The following KIAA1217 variants were observed in gnomAD, a reference collection of about 807,000 sequenced individuals.
KIAA1217 encodes sickle tail protein homolog.
In KIAA1217, 88 loss-of-function variants were observed where a neutral mutation model predicts 163.9. That is an observed-to-expected ratio of 0.54 (90% CI 0.45 to 0.64). KIAA1217 has a LOEUF of 0.64. Among genes scored for constraint, KIAA1217 ranks in the 30% least tolerant of loss-of-function variants. The pLI is 0.00. For synonymous variants in KIAA1217, 903 were observed against 923.1 expected (o/e 0.98, Z 0.39); for missense variants, 2,372 against 2,475.0 (o/e 0.96, Z 0.88).
intron 5 of KIAA1217, among the ~76,000 whole-genome samples, chr10:24,457,985 A>G (rs1438486672): frequency 6.6e-6 from 1 of 152,232 alleles, no homozygotes; most frequent in Admixed American, 6.5e-5. Context: ...TTGTTGGGAC[A>G]CAGGGAAGCA....
intron 2 of KIAA1217, among the ~76,000 whole-genome samples, chr10:24,119,098 A>T (rs1282612621): frequency 6.6e-6 from 1 of 152,208 alleles, no homozygotes; most frequent in Non-Finnish European, 1.5e-5. Context: ...TGCTGTGAAC[A>T]CTGTTCAGTA....
intron 2 of KIAA1217, among the ~76,000 whole-genome samples, chr10:24,087,838 C>T (rs555946740): frequency 1.1e-4 from 16 of 152,186 alleles, no homozygotes; most frequent in Admixed American, 2.0e-4. Flanking sequence ...TTAGGGAATG[C>T]GTACACTTCC....
chr10:23,981,979 G>A lies in KIAA1217; in HGVS notation c.-320-25246G>A, dbSNP rs540909309. On this transcript the variant is annotated intron_variant, in intron 1 of 18. Coordinates refer to the KIAA1217 transcript ENST00000376462. ...GATGGTACGTTAAACACTGCCTAGCGCTGCAGAGTTGAGAGGTAGAGAGCA... is the reference window on the plus strand; with the variant it reads ...GATGGTACGTTAAACACTGCCTAGCACTGCAGAGTTGAGAGGTAGAGAGCA... Among the ~76,000 whole-genome samples, 71 of 151,924 alleles carry A rather than the reference G, an allele frequency of 4.7e-4. 1 individual carries two copies. The highest frequency in any genetic ancestry group is 5.3e-4 in the Admixed American group (8 of 15,238).
intron 2 of KIAA1217, among the ~76,000 whole-genome samples, chr10:24,360,368 A>G (rs2049803216): frequency 6.6e-6 from 1 of 151,902 alleles, no homozygotes; most frequent in South Asian, 2.1e-4. Context: ...CTATTTCCCA[A>G]CGTTTGGTCT....
intron 1 of KIAA1217, among the ~76,000 whole-genome samples, chr10:23,866,820 G>T (rs1324573883): frequency 2.0e-5 from 3 of 151,844 alleles, no homozygotes; most frequent in African/African-American, 7.3e-5. Flanking sequence ...TGCGATCTCA[G>T]GACAATTTTC....
At position 24,390,495 on chromosome 10, in the gene KIAA1217, A is replaced by G. The variant is rs1386884107; in HGVS notation, c.553+9428A>G. Among the ~76,000 whole-genome samples the G allele has an allele frequency of 5.5e-5, 8 of 145,314 alleles. No individual in the cohort carries two copies. In the South Asian group the frequency reaches 9.6e-4, roughly 17 times the overall value. ...AGGGAGGGAAGGAAGGAAGGAAGGAAGGAAGGAAGGAAGGAAGGAAGGAAG... is the reference window on the plus strand; with the variant it reads ...AGGGAGGGAAGGAAGGAAGGAAGGAGGGAAGGAAGGAAGGAAGGAAGGAAG... On this transcript the variant is annotated intron_variant, in intron 3 of 20. Coordinates refer to ENST00000376454, the MANE Select transcript of KIAA1217 (RefSeq NM_019590.5).
intron 2 of KIAA1217, among the ~76,000 whole-genome samples, chr10:24,191,787 T>C (rs2066732025): frequency 6.6e-6 from 1 of 152,206 alleles, no homozygotes; most frequent in African/African-American, 2.4e-5. Flanking sequence ...AGAGTCTCGC[T>C]CTGTTGCCCA....
At chr10:23,705,405 T>C (rs969746927) in intron 1 of KIAA1217, among the ~76,000 whole-genome samples, 1 of 152,176 alleles carries the variant, frequency 6.6e-6, no homozygotes, top group African/African-American at 2.4e-5. Context: ...TTGTCTACAT[T>C]TTATTTTAAG....
At chr10:24,281,919 T>A (rs999786083) in intron 2 of KIAA1217, among the ~76,000 whole-genome samples, 1 of 151,938 alleles carries the variant, frequency 6.6e-6, no homozygotes, top group Non-Finnish European at 1.5e-5. Context: ...TAGCCAGGTG[T>A]GGTGGCGGGT....
At chr10:24,032,854 CT>C (rs1848244579) in intron 2 of KIAA1217, among the ~76,000 whole-genome samples, 2 of 152,146 alleles carry the variant, frequency 1.3e-5, no homozygotes, top group African/African-American at 4.8e-5. Flanking sequence ...GGATTCTACT[CT>C]CAAATATAAA....
At chr10:23,862,446 C>T in intron 1 of KIAA1217, among the ~76,000 whole-genome samples, 1 of 152,094 alleles carries the variant, frequency 6.6e-6, no homozygotes, top group African/African-American at 2.4e-5. Flanking sequence ...CACAAATATC[C>T]ATAACTCTTG....
chr10:23,960,394 A>G (rs1225319148), intron 1 of KIAA1217, among the ~76,000 whole-genome samples: 2 of 152,130 alleles, frequency 1.3e-5, no homozygotes, highest in East Asian at 3.9e-4. Context: ...AGTAGCCGGG[A>G]TTACAGGCAC....
chr10:23,820,516 C>CA (rs1202169652), intron 1 of KIAA1217, among the ~76,000 whole-genome samples: 1 of 152,112 alleles, frequency 6.6e-6, no homozygotes, highest in Non-Finnish European at 1.5e-5. Flanking sequence ...CGTATTAAAA[C>CA]AATTAATGGA....
At chr10:24,523,369 A>G (rs542099308) in intron 12 of KIAA1217, among the ~76,000 whole-genome samples, 130 of 152,278 alleles carry the variant, frequency 8.5e-4, no homozygotes, top group African/African-American at 2.9e-3. Flanking sequence ...AATGATAGGG[A>G]AAGGAGAGAA....
At chr10:24,003,081 T>C (rs936377612) in intron 1 of KIAA1217, among the ~76,000 whole-genome samples, 3 of 152,254 alleles carry the variant, frequency 2.0e-5, no homozygotes, top group African/African-American at 7.2e-5. Flanking sequence ...GTTCCACATC[T>C]CTACAATTGT....
intron 1 of KIAA1217, among the ~76,000 whole-genome samples, chr10:23,909,375 TAAAA>T: frequency 6.6e-6 from 1 of 151,618 alleles, no homozygotes; most frequent in East Asian, 1.9e-4. Flanking sequence ...TAAAAAATAA[TAAAA>T]ATAAATTAAA....
chr10:23,839,384 A>G (rs1374502329), intron 1 of KIAA1217, among the ~76,000 whole-genome samples: 1 of 151,686 alleles, frequency 6.6e-6, no homozygotes. Context: ...TTTCTACTGG[A>G]TTCATTTTTT....
intron 5 of KIAA1217, among the ~76,000 whole-genome samples, chr10:24,471,001 T>C (rs2063455316): frequency 6.6e-6 from 1 of 152,194 alleles, no homozygotes; most frequent in Non-Finnish European, 1.5e-5. Context: ...GGGGGCTTCT[T>C]TAGAACTGTA....
At chr10:24,184,411 C>A (rs1177444084) in intron 2 of KIAA1217, among the ~76,000 whole-genome samples, 1 of 152,114 alleles carries the variant, frequency 6.6e-6, no homozygotes, top group African/African-American at 2.4e-5. Flanking sequence ...TAGATAGTAT[C>A]TTTTTTTGAA....
Sources: gnomAD v4.1 joint callset for allele counts (sites outside exome capture counted in the v4.1 genomes callset) on GRCh38, gnomAD v4.1.1 for gene constraint, MANE v1.5 for transcripts, NCBI Gene and HGNC (gene_info 2026-07-23, HGNC 2026-07-21) for gene names.